The following EXOC5 variants were observed in gnomAD, a reference collection of about 807,000 sequenced individuals.
EXOC5 encodes exocyst complex component 5, also known as SEC10-like 1.
EXOC5 carries 17 observed loss-of-function variants against 90.8 expected under a neutral mutation model. The ratio of observed to expected loss-of-function variants is 0.19; its 90% CI spans 0.13 to 0.28. The LOEUF (loss-of-function observed/expected upper bound fraction) is 0.28. Ranked by LOEUF, EXOC5 falls within the 10% of genes least tolerant of loss-of-function variation. The pLI, the probability that EXOC5 is intolerant of heterozygous loss-of-function variation, is 1.00. For missense variants in EXOC5, 569 were observed against 830.6 expected, an observed-to-expected ratio of 0.69 and a Z score of 3.87; for synonymous variants, 260 against 270.0, an observed-to-expected ratio of 0.96 and a Z score of 0.36.
intron 5 of EXOC5, among the ~76,000 whole-genome samples, chr14:57,238,136 C>T (rs1205032700): frequency 1.3e-5 from 2 of 151,370 alleles, no homozygotes; most frequent in African/African-American, 4.8e-5. Context: ...ATCAAAGTCA[C>T]AGTAGATCAG....
chr14:57,224,935 G>A (rs527686465), intron 12 of EXOC5, among the ~76,000 whole-genome samples: 1 of 152,158 alleles, frequency 6.6e-6, no homozygotes, highest in South Asian at 2.1e-4. Context: ...GGTGGTGGGC[G>A]CCTGTAGTCC....
chr14:57,245,300 TG>T (rs1884002283), intron 3 of EXOC5, among the ~76,000 whole-genome samples: 1 of 152,158 alleles, frequency 6.6e-6, no homozygotes, highest in Non-Finnish European at 1.5e-5. Flanking sequence ...GGGGAAGAGC[TG>T]TAAACATTTA....
chr14:57,243,168 G>A (rs568536049), intron 4 of EXOC5: 1 of 152,174 alleles, frequency 6.6e-6, no homozygotes, highest in East Asian at 1.9e-4. Context: ...TTGGGTGACA[G>A]GTACACTAAA....
At chr14:57,212,667 AC>A (rs1882863719) in intron 15 of EXOC5, among the ~76,000 whole-genome samples, 1 of 152,166 alleles carries the variant, frequency 6.6e-6, no homozygotes, top group Admixed American at 6.5e-5. Context: ...ACCCTGGCAA[AC>A]TCATTAAGGA....
At chr14:57,264,941 C>T (rs1246778931) in intron 1 of EXOC5, among the ~76,000 whole-genome samples, 1 of 151,984 alleles carries the variant, frequency 6.6e-6, no homozygotes, top group East Asian at 1.9e-4. Context: ...AAAATATGTA[C>T]CTTGTAATTC....
Position 57,257,788 on chromosome 14 carries a change from C to T in EXOC5, c.28-10076G>A, listed in dbSNP as rs567659152. ...CTTGCTGCAAAGGCGCTTACAGTGA[C>T]AAAAAGCCAAATTAACAAATCCTAA... On this transcript the variant is annotated intron_variant, in intron 1 of 17. Coordinates refer to ENST00000621441, the MANE Select transcript of EXOC5 (RefSeq NM_006544.4). Among the ~76,000 whole-genome samples the T allele has an allele frequency of 3.3e-5, 5 of 152,206 alleles. No homozygotes were observed. The South Asian group carries it at 1.0e-3, about 32-fold the overall frequency.
At chr14:57,239,934 C>A (rs1465210117) in intron 4 of EXOC5, among the ~76,000 whole-genome samples, 10 of 152,066 alleles carry the variant, frequency 6.6e-5, no homozygotes. Context: ...CCCAATGAAA[C>A]CTGTAGTTCA....
chr14:57,218,395 A>T (rs1277363443), intron 14 of EXOC5, among the ~76,000 whole-genome samples: 2 of 152,094 alleles, frequency 1.3e-5, no homozygotes, highest in Non-Finnish European at 2.9e-5. Context: ...GGTTTTCTTT[A>T]TAAACAAATA....
At chr14:57,234,469 A>G (rs1033708953) in intron 7 of EXOC5, among the ~76,000 whole-genome samples, 3 of 149,588 alleles carry the variant, frequency 2.0e-5, no homozygotes, top group Non-Finnish European at 3.0e-5. Context: ...TGTTTTATAT[A>G]CATATAAATA....
At chr14:57,224,338 A>C (rs1883239955) in intron 12 of EXOC5, among the ~76,000 whole-genome samples, 1 of 152,158 alleles carries the variant, frequency 6.6e-6, no homozygotes, top group Non-Finnish European at 1.5e-5. Context: ...ATCTCTAGCC[A>C]GATTGATCAG....
chr14:57,249,462 T>A (rs185886585), intron 1 of EXOC5, among the ~76,000 whole-genome samples: 4 of 151,938 alleles, frequency 2.6e-5, no homozygotes, highest in Admixed American at 1.3e-4. Context: ...CACTAAAGAC[T>A]TATAAATAGC....
chr14:57,235,756 T>C lies in EXOC5; in HGVS notation c.624A>G (p.Glu208=), dbSNP rs1421166676. Residue 208 remains glutamate, a synonymous_variant, in exon 7 of 18, where the codon GAA becomes GAG. Transcript: ENST00000621441. ...QEFTSAQRRG[E]ISRMREVAAV... is the part of the protein sequence containing the mutation. ...CTGCTACTTCTCTCATTCTGGAGAT[T>C]TCACCTCTTCTTTGAGCACTGGTAA... is the stretch of plus-strand genomic sequence containing the variant. 2 of 1,558,368 alleles carry C rather than the reference T, an allele frequency of 1.3e-6. No individual in the cohort carries two copies. The highest frequency in any genetic ancestry group is 1.7e-6 in the Non-Finnish European group (2 of 1,148,714).
Position 57,229,865 on chromosome 14 carries a change from C to A in EXOC5, c.1165G>T (p.Glu389Ter). The change falls in exon 12 of 18, where the codon GAA (glutamate) becomes TAA (stop). Residue 389 changes from glutamate (E) to a stop codon, truncating the protein, a stop_gained. Coordinates refer to ENST00000621441, the MANE Select transcript of EXOC5 (RefSeq NM_006544.4). LOFTEE classifies it high-confidence loss of function. ...IGTGGIQDLK[E>*]RIRQRTNLPL... is the part of the protein sequence containing the mutation. ...AAGTTGGTACGCTGTCTAATTCTTT[C>A]CTTCAAATCTTGAATACTAGTACAT... 1 of 1,474,430 alleles carries A rather than the reference C, an allele frequency of 6.8e-7. No individual in the cohort carries two copies. The highest frequency in any genetic ancestry group is 1.4e-5 in the South Asian group (1 of 71,146). The allele number at this position is 1,474,430 out of a possible 1,614,324, so 91.3% of individuals were successfully genotyped here.
chr14:57,256,634 C>A (rs914369006), intron 1 of EXOC5, among the ~76,000 whole-genome samples: 2 of 152,176 alleles, frequency 1.3e-5, no homozygotes, highest in Admixed American at 6.6e-5. Context: ...CCAGATTGCC[C>A]TTCAAGAAGG....
At chr14:57,225,935 G>C (rs1883294443) in intron 12 of EXOC5, among the ~76,000 whole-genome samples, 1 of 152,196 alleles carries the variant, frequency 6.6e-6, no homozygotes, top group Non-Finnish European at 1.5e-5. Flanking sequence ...TTGAGTCTTT[G>C]ACCACCCTTT....
rs536591724 is a variant in EXOC5 at position 57,201,429 on chromosome 14, T to TATAC, written c.*7179_*7180insGTAT. The TATAC allele has an allele frequency of 5.1e-3, 718 of 141,392 alleles. 9 individuals carry two copies. Among genetic ancestry groups the TATAC allele is most frequent in the African/African-American group, 0.018 (672 of 36,346 alleles). The allele number at this position is 141,392 out of a possible 1,614,324, so 8.8% of individuals were successfully genotyped here. On this transcript the variant is annotated 3_prime_UTR_variant, in exon 18 of 18. Coordinates refer to ENST00000621441, the MANE Select transcript of EXOC5 (RefSeq NM_006544.4). ...GAGAATTCTGATTAGTATATATATA[T>TATAC]ACACACACACACGTGTGTATATATA...
intron 14 of EXOC5, among the ~76,000 whole-genome samples, chr14:57,218,791 C>A (rs746168003): frequency 2.0e-5 from 3 of 151,996 alleles, no homozygotes; most frequent in Non-Finnish European, 4.4e-5. Context: ...TAGTGTTAAA[C>A]AGATAATTCT....
chr14:57,238,601 TA>T (rs1019782956), intron 5 of EXOC5, among the ~76,000 whole-genome samples: 5 of 151,754 alleles, frequency 3.3e-5, no homozygotes, highest in African/African-American at 4.8e-5. Context: ...TGGGTGACTT[TA>T]AAAAGTATTA....
intron 1 of EXOC5, among the ~76,000 whole-genome samples, chr14:57,248,229 G>A (rs1884085277): frequency 6.6e-6 from 1 of 151,668 alleles, no homozygotes; most frequent in Non-Finnish European, 1.5e-5. Context: ...ACATCAGTGT[G>A]TTACAAATGC....
Sources: allele counts gnomAD v4.1 joint callset (sites outside exome capture counted in the v4.1 genomes callset), GRCh38; gene constraint gnomAD v4.1.1; transcripts MANE v1.5; gene names NCBI Gene and HGNC (gene_info 2026-07-23, HGNC 2026-07-21).